Variants in CCSER1 observed in about 807,000 individuals in gnomAD.
CCSER1 encodes the protein serine-rich coiled-coil domain-containing protein 1.
A neutral mutation model predicts 82.0 loss-of-function variants in CCSER1; 41 were observed. The observed-to-expected ratio is 0.50, with a 90% CI of 0.39 to 0.65. The LOEUF is 0.65. Ranked by LOEUF, CCSER1 falls within the 30% of genes least tolerant of loss-of-function variation. CCSER1 has a pLI of 0.00. For synonymous variants in CCSER1, 414 were observed against 383.9 expected (o/e 1.08, Z -0.92); for missense variants, 1,119 against 1,064.2 (o/e 1.05, Z -0.72).
chr4:90,718,413 A>T (rs1430402665), intron 6 of CCSER1, among the ~76,000 whole-genome samples: 1 of 152,112 alleles, frequency 6.6e-6, no homozygotes, highest in East Asian at 1.9e-4. Context: ...GGGGAGGCAT[A>T]ATTAATGGAT....
intron 10 of CCSER1, among the ~76,000 whole-genome samples, chr4:91,165,042 C>T (rs1424486146): frequency 6.6e-6 from 1 of 152,156 alleles, no homozygotes; most frequent in Non-Finnish European, 1.5e-5. Context: ...AGCTTTTCTG[C>T]TCTGGTTTCT....
intron 1 of CCSER1, among the ~76,000 whole-genome samples, chr4:90,136,741 G>A (rs1306214915): frequency 1.3e-5 from 2 of 152,126 alleles, no homozygotes; most frequent in African/African-American, 2.4e-5. Context: ...GGACCAAAAC[G>A]TTAAGTCTGA....
chr4:90,303,005 T>C (rs1733472687), intron 1 of CCSER1, among the ~76,000 whole-genome samples: 1 of 152,146 alleles, frequency 6.6e-6, no homozygotes, highest in South Asian at 2.1e-4. Context: ...TCTATTTTCC[T>C]CTTATTTGGC....
chr4:90,212,848 A>G (rs1184118268), intron 1 of CCSER1, among the ~76,000 whole-genome samples: 1 of 152,186 alleles, frequency 6.6e-6, no homozygotes, highest in East Asian at 1.9e-4. Flanking sequence ...TGGGAAGAAT[A>G]TTTTAGGCAA....
At chr4:90,996,929 T>C (rs1316028852) in intron 9 of CCSER1, among the ~76,000 whole-genome samples, 1 of 152,120 alleles carries the variant, frequency 6.6e-6, no homozygotes, top group Non-Finnish European at 1.5e-5. Flanking sequence ...TTACTTCTGG[T>C]TGTTAAGTAT....
At chr4:90,611,278 T>C (rs1342565640) in intron 5 of CCSER1, among the ~76,000 whole-genome samples, 1 of 152,108 alleles carries the variant, frequency 6.6e-6, no homozygotes, top group South Asian at 2.1e-4. Context: ...CTGTTGCCTT[T>C]ATTTAATGAT....
At position 91,103,646 on chromosome 4, in the gene CCSER1, C is replaced by A. The variant is rs1725307300; in HGVS notation, c.2217+17652C>A. 2.6e-5 allele frequency among the ~76,000 whole-genome samples: 4 copies of A among 152,240 alleles called. No individual in the cohort carries two copies. The South Asian group carries it at 8.3e-4, about 32-fold the overall frequency. On this transcript the variant is annotated intron_variant, in intron 10 of 10. Coordinates refer to ENST00000509176, the MANE Select transcript of CCSER1 (RefSeq NM_001145065.2). ...AATAATACTTTTATAATTTCTTATG[C>A]CTGTCTTTAATCTCTTAATCCTGTT... is the stretch of plus-strand genomic sequence containing the variant.
chr4:90,706,132 A>G (rs975367330), intron 6 of CCSER1, among the ~76,000 whole-genome samples: 10 of 152,154 alleles, frequency 6.6e-5, no homozygotes, highest in African/African-American at 1.4e-4. Flanking sequence ...CTATGTCTCA[A>G]TCTTAAACTT....
At chr4:90,438,773 C>CA (rs1759417451) in intron 4 of CCSER1, among the ~76,000 whole-genome samples, 8 of 121,966 alleles carry the variant, frequency 6.6e-5, no homozygotes, top group African/African-American at 2.7e-4. Context: ...CTTTTGATAT[C>CA]TTCTATCTAT....
chr4:90,453,419 G>A (rs1761753163), intron 4 of CCSER1, among the ~76,000 whole-genome samples: 1 of 152,140 alleles, frequency 6.6e-6, no homozygotes, highest in Non-Finnish European at 1.5e-5. Context: ...GGTTTGAGAA[G>A]GCCCTGAATC....
intron 10 of CCSER1, among the ~76,000 whole-genome samples, chr4:91,565,150 A>C (rs1025137072): frequency 1.3e-5 from 2 of 151,466 alleles, no homozygotes; most frequent in Admixed American, 1.3e-4. Flanking sequence ...CATTTATTGA[A>C]TAGAGAGTCT....
At chr4:90,926,603 A>T (rs1450753291) in intron 9 of CCSER1, among the ~76,000 whole-genome samples, 1 of 152,066 alleles carries the variant, frequency 6.6e-6, no homozygotes, top group Non-Finnish European at 1.5e-5. Context: ...TTGTCAGGAG[A>T]CATGAAACTA....
At chr4:90,285,895 ATG>A (rs1354860316) in intron 1 of CCSER1, among the ~76,000 whole-genome samples, 1 of 151,952 alleles carries the variant, frequency 6.6e-6, no homozygotes, top group African/African-American at 2.4e-5. Flanking sequence ...TGAAATGATC[ATG>A]TGTTTTTGTC....
chr4:91,526,969 A>T (rs1313573620), intron 10 of CCSER1, among the ~76,000 whole-genome samples: 2 of 150,132 alleles, frequency 1.3e-5, no homozygotes, highest in Non-Finnish European at 3.0e-5. Flanking sequence ...TGATGCAGTC[A>T]TTAGGCCAGC....
At chr4:90,735,726 T>C (rs1021413655) in intron 7 of CCSER1, among the ~76,000 whole-genome samples, 11 of 152,088 alleles carry the variant, frequency 7.2e-5, no homozygotes, top group African/African-American at 2.7e-4. Flanking sequence ...AAAGGTTTAT[T>C]GATCTGTATT....
intron 10 of CCSER1, among the ~76,000 whole-genome samples, chr4:91,414,533 A>G (rs1753240757): frequency 1.3e-5 from 2 of 152,134 alleles, no homozygotes; most frequent in East Asian, 1.9e-4. Context: ...CCAGAAAACA[A>G]TGAACAAAAT....
At chr4:90,441,051 C>T (rs1759809150) in intron 4 of CCSER1, among the ~76,000 whole-genome samples, 1 of 152,046 alleles carries the variant, frequency 6.6e-6, no homozygotes, top group African/African-American at 2.4e-5. Flanking sequence ...GCATAAAGGC[C>T]ATTAGTTAGA....
intron 1 of CCSER1, among the ~76,000 whole-genome samples, chr4:90,129,151 C>T (rs993982010): frequency 1.3e-5 from 2 of 151,826 alleles, no homozygotes; most frequent in Middle Eastern, 3.4e-3. Context: ...CTTCTCTGCC[C>T]CTCAAGGACT....
intron 8 of CCSER1, among the ~76,000 whole-genome samples, chr4:90,885,447 G>A (rs531621470): frequency 5.9e-5 from 9 of 152,254 alleles, no homozygotes; most frequent in African/African-American, 2.2e-4. Context: ...GCCCTATATA[G>A]TAACAACTAT....
Sources: gnomAD v4.1 joint callset for allele counts (sites outside exome capture counted in the v4.1 genomes callset) on GRCh38, gnomAD v4.1.1 for gene constraint, MANE v1.5 for transcripts, NCBI Gene and HGNC (gene_info 2026-07-23, HGNC 2026-07-21) for gene names.